Variants in TSKS observed in about 807,000 individuals in gnomAD.
TSKS encodes testis specific serine kinase substrate.
TSKS carries 27 observed loss-of-function variants against 68.0 expected under a neutral mutation model. The observed-to-expected ratio is 0.40, with a 90% CI of 0.29 to 0.55. The LOEUF (loss-of-function observed/expected upper bound fraction) is 0.55. Ranked by LOEUF, TSKS falls within the 20% of genes least tolerant of loss-of-function variation. The pLI is 0.53. For missense variants in TSKS, 806 were observed against 776.0 expected (o/e 1.04, Z -0.46); for synonymous variants, 331 against 340.4 (o/e 0.97, Z 0.30).
chr19:49,748,939 T>C (rs1161575614), intron 2 of TSKS, among the ~76,000 whole-genome samples: 1 of 152,052 alleles, frequency 6.6e-6, no homozygotes, highest in East Asian at 1.9e-4. Context: ...TGGTGGTGCC[T>C]TTAATCCCAG....
chr19:49,746,318 T>TCAGGTCCCCGAGGCTCCACC (rs1261754092), intron 6 of TSKS, 152 bp downstream of exon 6: 2 of 884,782 alleles, frequency 2.3e-6, no homozygotes, highest in Non-Finnish European at 3.4e-6. Context: ...CCCGCCCACC[T>TCAGGTCCCCGAGGCTCCACC]CAGGTCCCCG....
chr19:49,758,798 T>G (rs1249231212), intron 2 of TSKS, among the ~76,000 whole-genome samples: 1 of 151,924 alleles, frequency 6.6e-6, no homozygotes, highest in African/African-American at 2.4e-5. Context: ...TGGTCCTGCT[T>G]CTTACAACCC....
At chr19:49,751,025 C>G (rs567818781) in intron 2 of TSKS, among the ~76,000 whole-genome samples, 3 of 151,892 alleles carry the variant, frequency 2.0e-5, no homozygotes, top group Non-Finnish European at 2.9e-5. Context: ...TAATTCAGGC[C>G]GGGCACAGTG....
At chr19:49,758,939 C>CCT (rs1242948166) in intron 2 of TSKS, among the ~76,000 whole-genome samples, 2 of 151,852 alleles carry the variant, frequency 1.3e-5, no homozygotes, top group Non-Finnish European at 2.9e-5. Flanking sequence ...TTCACTGCAA[C>CCT]CTCTGCCTCC....
chr19:49,748,362 G>C lies in TSKS; in HGVS notation c.495+12C>G. On this transcript the variant is annotated intron_variant, in intron 3 of 10. Transcript: ENST00000246801. Reference sequence around the variant, plus strand: ...AGGAAGGGCAGGTGTTGGATATAGGGGGTCCTCACACCTGCAGAGACTGCA... The same window carrying C: ...AGGAAGGGCAGGTGTTGGATATAGGCGGTCCTCACACCTGCAGAGACTGCA... 6 of 1,612,656 alleles carry C rather than the reference G, an allele frequency of 3.7e-6. No homozygotes were observed. The highest frequency in any genetic ancestry group is 5.1e-6 in the Non-Finnish European group (6 of 1,178,876).
rs544178070 is a variant in TSKS, at chr19:49,747,977, G to T, written c.579+108C>A. Reference sequence around the variant, plus strand: ...GCCTGCCTCGGCCTCCCAAAGTGCTGGGATTACAGATGTGAGCCACTGCAC... The same window carrying T: ...GCCTGCCTCGGCCTCCCAAAGTGCTTGGATTACAGATGTGAGCCACTGCAC... On this transcript the variant is annotated intron_variant, in intron 4 of 10. Coordinates refer to ENST00000246801, the MANE Select transcript of TSKS (RefSeq NM_021733.2). 6.6e-6 allele frequency: 7 copies of T among 1,068,550 alleles called. No homozygotes were observed. In the African/African-American group the frequency reaches 1.1e-4, roughly 17 times the overall value. 66.2% of individuals were successfully genotyped at this position (1,068,550 alleles called of 1,614,324 possible).
Position 49,751,289 on chromosome 19 carries a change from G to C in TSKS, c.400-2820C>G, listed in dbSNP as rs185590918. ...ATTGCACTCCAGCCTGGGCGACAAC[G>C]AGATTCCATCTCAAAAAAAAAAAAA... On this transcript the variant is annotated intron_variant, in intron 2 of 10. Coordinates refer to ENST00000246801, the MANE Select transcript of TSKS (RefSeq NM_021733.2). Among the ~76,000 whole-genome samples the C allele has an allele frequency of 1.4e-3, 155 of 110,338 alleles. No individual in the cohort carries two copies. In the East Asian group the frequency reaches 0.039, roughly 28 times the overall value. 72.4% of individuals were successfully genotyped at this position (110,338 alleles called of 152,430 possible). A position where few individuals can be genotyped will look rare whatever the true frequency, so the allele number is the denominator to read the frequency against.
intron 2 of TSKS, among the ~76,000 whole-genome samples, chr19:49,755,778 G>A (rs1430936152): frequency 1.3e-5 from 2 of 151,998 alleles, no homozygotes; most frequent in Non-Finnish European, 2.9e-5. Context: ...CAAAGTGGGT[G>A]GATTATGAGG....
At chr19:49,752,205 G>A (rs1025288613) in intron 2 of TSKS, among the ~76,000 whole-genome samples, 7 of 152,008 alleles carry the variant, frequency 4.6e-5, no homozygotes, top group African/African-American at 1.2e-4. Context: ...CCAACATGGC[G>A]AAAGCCCGAC....
chr19:49,753,310 C>T (rs2084365517), intron 2 of TSKS, among the ~76,000 whole-genome samples: 1 of 152,018 alleles, frequency 6.6e-6, no homozygotes, highest in African/African-American at 2.4e-5. Context: ...TGCCTGTAAT[C>T]CCAGCACTTT....
chr19:49,743,141 C>G (rs1379102044), intron 8 of TSKS, among the ~76,000 whole-genome samples: 3 of 150,984 alleles, frequency 2.0e-5, no homozygotes, highest in Non-Finnish European at 2.9e-5. Context: ...TGAAATGGCA[C>G]GATCTTGGCT....
chr19:49,756,826 G>A (rs910215630), intron 2 of TSKS, among the ~76,000 whole-genome samples: 3 of 152,162 alleles, frequency 2.0e-5, no homozygotes, highest in South Asian at 2.1e-4. Flanking sequence ...TTGGGAGGCC[G>A]AGGCAGGTGG....
intron 8 of TSKS, 150 bp downstream of exon 8, chr19:49,744,081 G>T: frequency 1.3e-6 from 1 of 756,272 alleles, no homozygotes; most frequent in Non-Finnish European, 2.1e-6. Flanking sequence ...GGCTTCTAGT[G>T]CAGCAGGACC....
intron 2 of TSKS, among the ~76,000 whole-genome samples, chr19:49,753,423 G>C (rs540517157): frequency 2.0e-5 from 3 of 151,898 alleles, no homozygotes; most frequent in Non-Finnish European, 2.9e-5. Flanking sequence ...TTAGCTGGAC[G>C]TGGTGGCGGG....
rs1421851374 is a variant in TSKS at position 49,748,487 on chromosome 19, A to G, written c.400-18T>C. 3.1e-6 allele frequency: 5 copies of G among 1,610,898 alleles called. No individual in the cohort carries two copies. The African/African-American group carries it at 6.7e-5, about 22-fold the overall frequency. On this transcript the variant is annotated intron_variant, in intron 2 of 10. Coordinates refer to ENST00000246801, the MANE Select transcript of TSKS (RefSeq NM_021733.2). ...ACCCCACTCTGGGGAAGAATGGGAG[A>G]CAGGTGAGTTAGTGGGTATGTGGGG...
rs140043576 is a variant in TSKS at position 49,746,393 on chromosome 19, A to G, written c.992+77T>C. 924 of 1,550,164 alleles carry G rather than the reference A, an allele frequency of 6.0e-4. 4 individuals are homozygous for G. In the African/African-American group the frequency reaches 0.011, roughly 18 times the overall value. ...AACCCCCGTCCCTTGGGTCCCGCCC[A>G]CCGCATCTCCTCGAGGCTCCACCCC... On this transcript the variant is annotated intron_variant, in intron 6 of 10. Transcript: ENST00000246801.
chr19:49,747,843 A>G (rs924233032), intron 4 of TSKS, among the ~76,000 whole-genome samples: 2 of 151,994 alleles, frequency 1.3e-5, no homozygotes, highest in Admixed American at 6.6e-5. Context: ...CAAGTAGCTG[A>G]GATTACAGGC....
Position 49,744,284 on chromosome 19 carries a change from G to A in TSKS, c.1308C>T (p.Asp436=). The change falls in exon 8 of 11, where the codon GAC becomes GAT. Residue 436 remains aspartate, a synonymous_variant. Coordinates refer to ENST00000246801, the MANE Select transcript of TSKS (RefSeq NM_021733.2). The part of the protein sequence containing the change: ...RQFQNSRRGP[D]LSMNLDRSHQ... ...GGGACCGATCCAGGTTCATGGAGAG[G>A]TCAGGCCCTCTTCGAGAGTTCTGAA... 6.2e-7 allele frequency: 1 copy of A among 1,614,112 alleles called. No homozygotes were observed. The highest frequency in any genetic ancestry group is 8.5e-7 in the Non-Finnish European group (1 of 1,180,026).
At chr19:49,762,354 C>T in intron 1 of TSKS, 122 bp from the exon 2 acceptor site, 2 of 662,894 alleles carry the variant, frequency 3.0e-6, no homozygotes, top group Non-Finnish European at 2.6e-6. Context: ...AAGTTTCTCC[C>T]TTCTCTGTCC....
Sources: gnomAD v4.1 joint callset for allele counts (sites outside exome capture counted in the v4.1 genomes callset) on GRCh38, gnomAD v4.1.1 for gene constraint, MANE v1.5 for transcripts, NCBI Gene and HGNC (gene_info 2026-07-23, HGNC 2026-07-21) for gene names.